TFDP2: variants seen among roughly 807,000 people sequenced by gnomAD.
TFDP2 encodes the protein transcription factor Dp-2 (E2F dimerization partner 2).
TFDP2 carries 17 observed loss-of-function variants against 59.3 expected under a neutral mutation model. The ratio of observed to expected loss-of-function variants is 0.29; its 90% confidence interval spans 0.20 to 0.43. TFDP2 has a LOEUF of 0.43. Among genes scored for constraint, TFDP2 ranks in the 20% least tolerant of loss-of-function variants. The pLI, the probability that TFDP2 is intolerant of heterozygous loss-of-function variation, is 1.00. For missense variants in TFDP2, 391 were observed against 528.8 expected, an observed-to-expected ratio of 0.74 and a Z score of 2.56; for synonymous variants, 180 against 194.7, an observed-to-expected ratio of 0.92 and a Z score of 0.63.
chr3:142,148,073 T>A (rs923567173), intron 1 of TFDP2, among the ~76,000 whole-genome samples: 1 of 150,068 alleles, frequency 6.7e-6, no homozygotes. Context: ...AAATTATTTA[T>A]TAGGTGAAGA....
rs140755064 is a variant in TFDP2, at chr3:142,000,340, C to A, written c.186+5101G>T. 329 of 702,436 alleles carry A rather than the reference C, an allele frequency of 4.7e-4. No individual in the cohort carries two copies. In the African/African-American group the frequency reaches 5.3e-3, roughly 11 times the overall value. The allele number at this position is 702,436 out of a possible 1,614,324, so 43.5% of individuals were successfully genotyped here. On this transcript the variant is annotated intron_variant, in intron 4 of 12. Coordinates refer to ENST00000489671, the MANE Select transcript of TFDP2 (RefSeq NM_001178139.2). ...TTTATTCTCTGCTTCAAAGATGATGCCTTCTGGTTGCATCCTAATAGCAGA... is the reference window on the plus strand; with the variant it reads ...TTTATTCTCTGCTTCAAAGATGATGACTTCTGGTTGCATCCTAATAGCAGA...
At chr3:142,110,080 C>T (rs1577006587) in intron 1 of TFDP2, among the ~76,000 whole-genome samples, 1 of 152,082 alleles carries the variant, frequency 6.6e-6, no homozygotes, top group Non-Finnish European at 1.5e-5. Flanking sequence ...GATGGAGTTT[C>T]GCCACATTGC....
intron 1 of TFDP2, among the ~76,000 whole-genome samples, chr3:142,127,572 G>GT (rs1244951869): frequency 6.6e-6 from 1 of 151,834 alleles, no homozygotes; most frequent in Non-Finnish European, 1.5e-5. Flanking sequence ...TCTTGACCTC[G>GT]TGATCTGCCC....
In TFDP2 at chr3:141,944,593, G is replaced by C. The variant is rs1935047244; in HGVS notation, c.*7920C>G. 6.6e-6 allele frequency: 1 copy of C among 152,086 alleles called. No homozygotes were observed. The highest frequency in any genetic ancestry group is 1.5e-5 in the Non-Finnish European group (1 of 68,022). The allele number at this position is 152,086 out of a possible 1,614,324, so 9.4% of individuals were successfully genotyped here. A position where few individuals can be genotyped will look rare whatever the true frequency, so the allele number is the denominator to read the frequency against. ...ACTTTAATGGACAAAAAACACCAGA[G>C]TTCATTACAAATACAGCTTCCCAGG... is the stretch of plus-strand genomic sequence containing the variant. On this transcript the variant is annotated 3_prime_UTR_variant, in exon 13 of 13. Coordinates refer to ENST00000489671, the MANE Select transcript of TFDP2 (RefSeq NM_001178139.2).
intron 11 of TFDP2, among the ~76,000 whole-genome samples, chr3:141,955,173 A>G (rs1936443834): frequency 6.6e-6 from 1 of 152,224 alleles, no homozygotes; most frequent in Non-Finnish European, 1.5e-5. Context: ...CTCTTTTTAC[A>G]ATGAATTGGA....
At chr3:142,132,524 T>C (rs2108731260) in intron 1 of TFDP2, among the ~76,000 whole-genome samples, 1 of 149,692 alleles carries the variant, frequency 6.7e-6, no homozygotes, top group East Asian at 1.9e-4. Flanking sequence ...GGTGGGCAGA[T>C]CACGAGGTCA....
chr3:142,099,343 A>G (rs555066454), intron 2 of TFDP2, among the ~76,000 whole-genome samples: 1 of 152,066 alleles, frequency 6.6e-6, no homozygotes, highest in African/African-American at 2.4e-5. Context: ...GTCCTTATAT[A>G]TTTGCTATCC....
intron 3 of TFDP2, among the ~76,000 whole-genome samples, chr3:142,016,251 T>G (rs981790613): frequency 1.3e-5 from 2 of 149,682 alleles, no homozygotes; most frequent in Admixed American, 1.3e-4. Context: ...TCCACCCACT[T>G]GGCCTCCCAA....
intron 2 of TFDP2, among the ~76,000 whole-genome samples, chr3:142,099,890 C>A (rs896043018): frequency 6.6e-6 from 1 of 152,030 alleles, no homozygotes; most frequent in African/African-American, 2.4e-5. Context: ...CTAAGAATTC[C>A]TCTTCTAATT....
At position 142,052,905 on chromosome 3, in the gene TFDP2, G is replaced by A. The variant is rs565931243; in HGVS notation, c.82+40156C>T. ...GCTCACTGCAAGCTTTGCCTCCTGG[G>A]TTCACGCCATTCTCCTGCCTCAGCC... On this transcript the variant is annotated intron_variant, in intron 3 of 12. Transcript: ENST00000489671. Among the ~76,000 whole-genome samples the A allele has an allele frequency of 5.3e-5, 8 of 152,094 alleles. No homozygotes were observed. In the South Asian group the frequency reaches 8.3e-4, roughly 16 times the overall value.
chr3:142,036,763 A>G (rs944682281), intron 3 of TFDP2, among the ~76,000 whole-genome samples: 2 of 152,232 alleles, frequency 1.3e-5, no homozygotes, highest in Non-Finnish European at 2.9e-5. Flanking sequence ...GATTAGACCT[A>G]GATGAAATTT....
intron 3 of TFDP2, among the ~76,000 whole-genome samples, chr3:142,025,872 G>T (rs1483616846): frequency 2.6e-5 from 4 of 152,166 alleles, no homozygotes; most frequent in Admixed American, 2.0e-4. Flanking sequence ...GCTGAGGAAG[G>T]AGAATCGCTT....
rs1298190375 is a variant in TFDP2 at position 141,978,677 on chromosome 3, C to T, written c.362G>A (p.Arg121Gln). The change falls in exon 7 of 13, where the codon CGA becomes CAA. Residue 121 changes from arginine (R) to glutamine (Q), a missense_variant. By Grantham distance (43) the Arg-to-Gln change is conservative (BLOSUM62 1). Transcript: ENST00000489671. ...CCCATTTTTATCTCCTTTTTTGCTT[C>T]GTTTACTAGAAGGGAAAAAAGTTTT... ...FIDSDFSESK[R>Q]SKKGDKNGKG... The T allele has an allele frequency of 1.9e-6, 3 of 1,600,256 alleles. No homozygotes were observed. The highest frequency in any genetic ancestry group is 1.7e-6 in the Non-Finnish European group (2 of 1,176,430).
intron 3 of TFDP2, among the ~76,000 whole-genome samples, chr3:142,084,204 T>C (rs1047675607): frequency 2.0e-5 from 3 of 152,086 alleles, no homozygotes; most frequent in Non-Finnish European, 2.9e-5. Context: ...GACATATAAA[T>C]GGCAAACAGG....
At chr3:142,116,273 G>A (rs73233902) in intron 1 of TFDP2, among the ~76,000 whole-genome samples, 3 of 151,926 alleles carry the variant, frequency 2.0e-5, no homozygotes, top group Admixed American at 6.6e-5. Flanking sequence ...CTATGTAGCC[G>A]AGGCTGGTCT....
chr3:141,978,553 G>C lies in TFDP2; in HGVS notation c.486C>G (p.Phe162Leu). Residue 162 changes from phenylalanine (F) to leucine (L), a missense_variant, in exon 7 of 13, where the codon TTC becomes TTG. This residue lies in a region of TFDP2 where 162 missense variants were observed against 206.8 expected (regional missense o/e 0.78). Transcript: ENST00000489671. The part of the protein sequence containing the change: ...NEVADELVSE[F>L]TNSNNHLAAD... ...CAGCCAAATGGTTATTTGAATTGGT[G>C]AACTCTGACACCAGCTCATCAGCGA... 6.2e-7 allele frequency: 1 copy of C among 1,611,102 alleles called. No homozygotes were observed. Among genetic ancestry groups the C allele is most frequent in the Non-Finnish European group, 8.5e-7 (1 of 1,179,214 alleles).
At chr3:142,144,260 G>A (rs1016651875) in intron 1 of TFDP2, among the ~76,000 whole-genome samples, 1 of 151,934 alleles carries the variant, frequency 6.6e-6, no homozygotes, top group African/African-American at 2.4e-5. Flanking sequence ...TATAATCCCA[G>A]CTACTTGGGA....
chr3:142,148,247 A>T (rs2063243380), intron 1 of TFDP2, among the ~76,000 whole-genome samples: 1 of 152,138 alleles, frequency 6.6e-6, no homozygotes, highest in African/African-American at 2.4e-5. Context: ...AGTGAGAGGG[A>T]GTCTGTGCCC....
chr3:142,148,242 G>C (rs1397380867), intron 1 of TFDP2, among the ~76,000 whole-genome samples: 1 of 152,148 alleles, frequency 6.6e-6, no homozygotes, highest in South Asian at 2.1e-4. Context: ...AAATAAGTGA[G>C]AGGGAGTCTG....
Sources: allele counts gnomAD v4.1 joint callset (sites outside exome capture counted in the v4.1 genomes callset), GRCh38; gene constraint gnomAD v4.1.1; regional missense constraint gnomAD v4.1.1; transcripts MANE v1.5; gene names NCBI Gene and HGNC (gene_info 2026-07-23, HGNC 2026-07-21).